PRKCB: variants seen among roughly 807,000 people sequenced by gnomAD.
PRKCB encodes the protein protein kinase C beta type.
PRKCB carries 13 observed loss-of-function variants against 81.5 expected under a neutral mutation model. That is an observed-to-expected ratio of 0.16 (90% confidence interval 0.10 to 0.25). The LOEUF (loss-of-function observed/expected upper bound fraction) is 0.25, where lower values mean the gene tolerates loss of function less well. Ranked by LOEUF, PRKCB falls within the 10% of genes least tolerant of loss-of-function variation. The pLI is 1.00. For synonymous variants in PRKCB, 335 were observed against 321.4 expected, an observed-to-expected ratio of 1.04 and a Z score of -0.45; for missense variants, 509 against 875.7, an observed-to-expected ratio of 0.58 and a Z score of 5.29.
chr16:24,180,818 G>A lies in PRKCB; in HGVS notation c.1423G>A (p.Asp475Asn), dbSNP rs1596585843. ...CCTAAAACTTGACAACGTGATGCTC[G>A]ATTCTGAGGGACACATCAAGATTGC... ...RDLKLDNVML[D>N]SEGHIKIADF... Residue 475 changes from aspartate to asparagine, a missense_variant, in exon 13 of 17, where the codon GAT becomes AAT. Around this residue, in one of 6 missense-constraint regions of PRKCB, gnomAD observed 106 missense variants for 214.0 expected, o/e 0.50. Transcript: ENST00000643927. The A allele has an allele frequency of 2.5e-6, 4 of 1,614,138 alleles. No homozygotes were observed. The highest frequency in any genetic ancestry group is 2.5e-6 in the Non-Finnish European group (3 of 1,179,994).
chr16:24,072,222 T>C (rs1966117969), intron 5 of PRKCB, among the ~76,000 whole-genome samples: 1 of 152,136 alleles, frequency 6.6e-6, no homozygotes, highest in Non-Finnish European at 1.5e-5. Flanking sequence ...AAGCAGTGAC[T>C]ACCCATCCCT....
chr16:23,968,000 C>T (rs988289951), intron 2 of PRKCB, among the ~76,000 whole-genome samples: 1 of 152,174 alleles, frequency 6.6e-6, no homozygotes, highest in African/African-American at 2.4e-5. Flanking sequence ...CATGTGGTTG[C>T]CTCTCAGTGG....
At chr16:23,967,207 T>C (rs1226486393) in intron 2 of PRKCB, among the ~76,000 whole-genome samples, 1 of 152,176 alleles carries the variant, frequency 6.6e-6, no homozygotes, top group East Asian at 1.9e-4. Flanking sequence ...ATTGTGGCTT[T>C]TTCTGCCCAC....
intron 3 of PRKCB, among the ~76,000 whole-genome samples, chr16:24,027,079 C>T (rs1965491351): frequency 6.6e-6 from 1 of 152,098 alleles, no homozygotes; most frequent in African/African-American, 2.4e-5. Context: ...ATACACCTGC[C>T]ATGGTGGTTT....
At chr16:24,016,700 A>G (rs1965283557) in intron 3 of PRKCB, among the ~76,000 whole-genome samples, 2 of 152,182 alleles carry the variant, frequency 1.3e-5, no homozygotes, top group Admixed American at 1.3e-4. Flanking sequence ...CTTTTCTGGA[A>G]AAACACAAGA....
intron 2 of PRKCB, among the ~76,000 whole-genome samples, chr16:23,863,635 A>G (rs1217790343): frequency 6.6e-6 from 1 of 152,206 alleles, no homozygotes; most frequent in Non-Finnish European, 1.5e-5. Context: ...TTTCGTATGG[A>G]AAGTGTCTAT....
At position 23,943,746 on chromosome 16, in the gene PRKCB, C is replaced by T. The variant is rs78151598; in HGVS notation, c.206-44762C>T. ...TACTTGCATGAAATAGCAACAGGTG[C>T]GAACCTCCTAGGCAGATAGGAGTGC... On this transcript the variant is annotated intron_variant, in intron 2 of 16. Transcript: ENST00000643927. Among the ~76,000 whole-genome samples the T allele has an allele frequency of 1.9e-3, 294 of 152,254 alleles. 10 individuals are homozygous for T. The East Asian group carries it at 0.047, about 24-fold the overall frequency.
chr16:24,053,334 T>C (rs544343571), intron 5 of PRKCB, among the ~76,000 whole-genome samples: 1 of 152,336 alleles, frequency 6.6e-6, no homozygotes, highest in East Asian at 1.9e-4. Context: ...CAGATGGGCT[T>C]TGGAGCTATC....
At chr16:23,967,789 A>C (rs1373925426) in intron 2 of PRKCB, among the ~76,000 whole-genome samples, 2 of 152,132 alleles carry the variant, frequency 1.3e-5, no homozygotes, top group Non-Finnish European at 2.9e-5. Flanking sequence ...AGTAGCTGGG[A>C]CTACAGGCAC....
At position 24,216,166 on chromosome 16, in the gene PRKCB, C is replaced by A; in HGVS notation, c.*1350C>A. 1.0e-6 allele frequency: 1 copy of A among 985,470 alleles called. No homozygotes were observed. Among genetic ancestry groups the A allele is most frequent in the Non-Finnish European group, 1.2e-6 (1 of 830,008 alleles). 61.0% of individuals were successfully genotyped at this position (985,470 alleles called of 1,614,324 possible). On this transcript the variant is annotated 3_prime_UTR_variant, in exon 17 of 17. Transcript: ENST00000643927. ...CCACTCGGAGGGGCGGGGGCTGTGG[C>A]CCATTCAGGGGCTGCTGGTGGGCTG... is the stretch of plus-strand genomic sequence containing the variant.
chr16:23,939,743 A>G (rs1964113687), intron 2 of PRKCB, among the ~76,000 whole-genome samples: 1 of 152,248 alleles, frequency 6.6e-6, no homozygotes, highest in African/African-American at 2.4e-5. Context: ...ATAAAACTAT[A>G]CAACTTTTAG....
chr16:24,199,374 T>C (rs1356180371), intron 16 of PRKCB, among the ~76,000 whole-genome samples: 1 of 152,208 alleles, frequency 6.6e-6, no homozygotes, highest in Non-Finnish European at 1.5e-5. Flanking sequence ...CAATTGCCCT[T>C]TACACTGTAT....
At chr16:24,038,211 C>CA (rs1286701321) in intron 5 of PRKCB, among the ~76,000 whole-genome samples, 1 of 151,438 alleles carries the variant, frequency 6.6e-6, no homozygotes, top group East Asian at 1.9e-4. Context: ...AACAAACAAA[C>CA]AAAAAAGGCC....
At chr16:24,207,657 C>T (rs1481120447) in intron 16 of PRKCB, among the ~76,000 whole-genome samples, 1 of 152,262 alleles carries the variant, frequency 6.6e-6, no homozygotes, top group East Asian at 1.9e-4. Context: ...TCCCTATTGG[C>T]CCATAGTAGA....
chr16:23,856,699 AC>A (rs1962574824), intron 2 of PRKCB, among the ~76,000 whole-genome samples: 2 of 151,822 alleles, frequency 1.3e-5, no homozygotes, highest in Non-Finnish European at 2.9e-5. Flanking sequence ...AATTTCTAAA[AC>A]TTTTTGTAGA....
intron 8 of PRKCB, among the ~76,000 whole-genome samples, chr16:24,121,395 A>T (rs1966796960): frequency 6.6e-6 from 1 of 152,154 alleles, no homozygotes. Flanking sequence ...TGGTTTGTTT[A>T]TGACAGAGTC....
chr16:23,942,309 G>A (rs892136079), intron 2 of PRKCB, among the ~76,000 whole-genome samples: 2 of 152,198 alleles, frequency 1.3e-5, no homozygotes, highest in South Asian at 2.1e-4. Flanking sequence ...TCTTTTAAAC[G>A]TCACACTTGG....
intron 4 of PRKCB, 48 bp from the exon 5 acceptor site, chr16:24,035,371 C>G: frequency 6.3e-7 from 1 of 1,596,014 alleles, no homozygotes; most frequent in Non-Finnish European, 8.5e-7. Context: ...GTCTGCAGCC[C>G]CCAGCCTGGG....
rs891363971 is a variant in PRKCB, at chr16:24,213,004, G to GTT, written c.1864-1653_1864-1652insTT. ...CAGCCACCAGGCTGCCACCGTACTT[G>GTT]TATATTTATTTATTTATTTATTTAT... is the stretch of plus-strand genomic sequence containing the variant. On this transcript the variant is annotated intron_variant, in intron 16 of 16. Coordinates refer to ENST00000643927, the MANE Select transcript of PRKCB (RefSeq NM_002738.7). 4.9e-3 allele frequency among the ~76,000 whole-genome samples: 695 copies of GTT among 143,058 alleles called. 3 individuals carry two copies. Among genetic ancestry groups the GTT allele is most frequent in the Middle Eastern group, 0.018 (5 of 282 alleles). 93.9% of individuals were successfully genotyped at this position (143,058 alleles called of 152,430 possible).
Sources: gnomAD v4.1 joint callset for allele counts (sites outside exome capture counted in the v4.1 genomes callset) on GRCh38, gnomAD v4.1.1 for gene constraint, gnomAD v4.1.1 regional missense constraint, MANE v1.5 for transcripts, NCBI Gene and HGNC (gene_info 2026-07-23, HGNC 2026-07-21) for gene names.